ABCA4: variants seen among roughly 807,000 people sequenced by gnomAD.
ABCA4 encodes the protein ATP binding cassette subfamily A member 4.
Under a neutral mutation model 263.7 loss-of-function variants are expected in ABCA4, and 196 were observed. The observed-to-expected ratio is 0.74, with a 90% CI of 0.66 to 0.84. ABCA4 has a LOEUF of 0.84. Ranked by LOEUF, ABCA4 falls within the 40% of genes least tolerant of loss-of-function variation. ABCA4 has a pLI of 0.00. For missense variants in ABCA4, 2,792 were observed against 2,855.1 expected (o/e 0.98, Z 0.50); for synonymous variants, 1,133 against 1,094.2 (o/e 1.04, Z -0.70).
intron 7 of ABCA4, among the ~76,000 whole-genome samples, chr1:94,082,636 C>T (rs534587351): frequency 2.3e-4 from 35 of 152,216 alleles, no homozygotes; most frequent in African/African-American, 8.2e-4. Flanking sequence ...AAGTCAGCTG[C>T]GAATAATGGA....
intron 40 of ABCA4, among the ~76,000 whole-genome samples, chr1:94,010,208 AG>A (rs1399006227): frequency 6.6e-6 from 1 of 152,228 alleles, no homozygotes; most frequent in Admixed American, 6.5e-5. Context: ...TGGATTGCAG[AG>A]GGGAGTGAGG....
chr1:94,098,001 C>T (rs568366625), intron 6 of ABCA4, among the ~76,000 whole-genome samples: 2 of 152,344 alleles, frequency 1.3e-5, no homozygotes, highest in South Asian at 4.1e-4. Flanking sequence ...TCATGATCCG[C>T]CCGCCTCGGC....
chr1:94,045,451 T>C (rs1434213867), intron 19 of ABCA4, among the ~76,000 whole-genome samples: 4 of 152,136 alleles, frequency 2.6e-5, no homozygotes, highest in African/African-American at 9.7e-5. Flanking sequence ...ATATTATTAC[T>C]GTTAGTATTA....
Position 94,032,111 on chromosome 1 carries a change from T to C in ABCA4, c.3863-68A>G, listed in dbSNP as rs866894848. Reference sequence around the variant, plus strand: ...AGGTCTGGATCTCTAATGCCATTTTTTTTTTCCCTTACAGCATTGATTTTC... The same window carrying C: ...AGGTCTGGATCTCTAATGCCATTTTCTTTTTCCCTTACAGCATTGATTTTC... On this transcript the variant is annotated intron_variant, in intron 26 of 49. Transcript: ENST00000370225. 7.1e-5 allele frequency: 113 copies of C among 1,584,808 alleles called. No individual in the cohort carries two copies. The African/African-American group carries it at 1.3e-3, about 19-fold the overall frequency.
intron 5 of ABCA4, among the ~76,000 whole-genome samples, chr1:94,101,323 A>G (rs767583431): frequency 3.9e-5 from 6 of 152,328 alleles, no homozygotes; most frequent in Non-Finnish European, 8.8e-5. Context: ...ATCGGTGCCG[A>G]CAGCACCCCC....
rs139035971 is a variant in ABCA4 at position 94,048,868 on chromosome 1, C to A, written c.2743G>T (p.Asp915Tyr). ...TGTGTATTCTTTATCGGGGTTTTAC[C>A]GTGTATTCCTTCTGGGTGCTCTGGA... ...EDPEHPEGIH[D>Y]SFFEREHPGW... is the part of the protein sequence containing the mutation. The change falls in exon 18 of 50, where the codon GAC becomes TAC. Residue 915 changes from aspartate (D) to tyrosine (Y), a missense_variant and splice_region_variant. Coordinates refer to ENST00000370225, the MANE Select transcript of ABCA4 (RefSeq NM_000350.3). 1 of 1,613,982 alleles carries A rather than the reference C, an allele frequency of 6.2e-7. No homozygotes were observed. The highest frequency in any genetic ancestry group is 1.1e-5 in the South Asian group (1 of 91,068).
At chr1:94,069,307 T>C (rs912686324) in intron 11 of ABCA4, among the ~76,000 whole-genome samples, 1 of 152,178 alleles carries the variant, frequency 6.6e-6, no homozygotes, top group African/African-American at 2.4e-5. Flanking sequence ...TGATGTCCAG[T>C]AGAGGCAGAG....
At chr1:94,078,457 G>T in intron 10 of ABCA4, 133 bp downstream of exon 10, 1 of 717,332 alleles carries the variant, frequency 1.4e-6, no homozygotes. Flanking sequence ...GAAGGCCTTT[G>T]GGGCCTGCTT....
chr1:94,043,365 T>C lies in ABCA4; in HGVS notation c.3161A>G (p.Lys1054Arg). 2 of 1,614,100 alleles carry C rather than the reference T, an allele frequency of 1.2e-6. No homozygotes were observed. Among genetic ancestry groups the C allele is most frequent in the Non-Finnish European group, 1.7e-6 (2 of 1,180,020 alleles). ...TAGGTCCTGAGCCTCTTCATTCCGC[T>C]TGTGGTGGAGGCCTGTGTCCTCCAA... Reference protein sequence around the residue: ...AMLEDTGLHHKRNEEAQDLSG... With the variant: ...AMLEDTGLHHRRNEEAQDLSG... The change falls in exon 21 of 50, where the codon AAG (lysine) becomes AGG (arginine). Residue 1054 changes from lysine (K) to arginine (R), a missense_variant. Transcript: ENST00000370225.
chr1:94,049,393 A>G (rs954783574), intron 17 of ABCA4, among the ~76,000 whole-genome samples: 2 of 152,186 alleles, frequency 1.3e-5, no homozygotes, highest in African/African-American at 2.4e-5. Flanking sequence ...TGGGAGGCCA[A>G]TGTAGGCGTA....
chr1:94,000,996 T>G lies in ABCA4; in HGVS notation c.6386+6A>C. 5 of 1,614,120 alleles carry G rather than the reference T, an allele frequency of 3.1e-6. No homozygotes were observed. The highest frequency in any genetic ancestry group is 4.2e-6 in the Non-Finnish European group (5 of 1,179,980). ...CCCACCTTCCCCAGCCCTGGGAATC[T>G]CTTGCCTGTGGGATGTGAGGACCAC... On this transcript the variant is annotated splice_donor_region_variant and intron_variant, in intron 46 of 49. Transcript: ENST00000370225.
chr1:94,041,397 T>C lies in ABCA4; in HGVS notation c.3334A>G (p.Thr1112Ala). ...DLLLKYRSGR[T>A]IIMSTHHMDE... ...ATGTGGTGAGTGGACATGATGATGG[T>C]TCTGCCTGCAAGGTAGGGGCCAGGG... The change falls in exon 23 of 50, where the codon ACC (threonine) becomes GCC (alanine). Residue 1112 changes from threonine to alanine, a missense_variant. By Grantham distance (58) the Thr-to-Ala change is moderately conservative. Coordinates refer to ENST00000370225, the MANE Select transcript of ABCA4 (RefSeq NM_000350.3). 1.9e-6 allele frequency: 3 copies of C among 1,613,732 alleles called. No homozygotes were observed. The highest frequency in any genetic ancestry group is 2.5e-6 in the Non-Finnish European group (3 of 1,180,004).
At position 93,996,192 on chromosome 1, in the gene ABCA4, A is replaced by C; in HGVS notation, c.6733T>G (p.Phe2245Val). Residue 2245 changes from phenylalanine (F) to valine (V), a missense_variant, in exon 49 of 50, where the codon TTT becomes GTT. By Grantham distance (50) the Phe-to-Val change is conservative. Coordinates refer to ENST00000370225, the MANE Select transcript of ABCA4 (RefSeq NM_000350.3). ...SVTQTTLDQV[F>V]VNFAKQQTES... is the part of the protein sequence containing the mutation. ...GTCTGCTGTTTAGCAAAATTTACAA[A>C]CACCTAGAGGTAAGAGAAGAGCGAG... The C allele has an allele frequency of 6.2e-7, 1 of 1,612,344 alleles. No individual in the cohort carries two copies. The highest frequency in any genetic ancestry group is 8.5e-7 in the Non-Finnish European group (1 of 1,178,750).
Position 94,102,576 on chromosome 1 carries a change from C to T in ABCA4, c.570+439G>A, listed in dbSNP as rs116526667. Among the ~76,000 whole-genome samples, 802 of 152,220 alleles carry T rather than the reference C, an allele frequency of 5.3e-3. 3 individuals are homozygous for T. Among genetic ancestry groups the T allele is most frequent in the African/African-American group, 0.019 (772 of 41,526 alleles). On this transcript the variant is annotated intron_variant, in intron 5 of 49. Transcript: ENST00000370225. ...CCCATCACAGCCAGAAGTCACACAG[C>T]GGAGTCTCTGCTTACCTGAGCATCG... is the stretch of plus-strand genomic sequence containing the variant.
intron 11 of ABCA4, 40 bp from the exon 12 acceptor site, chr1:94,063,357 C>A (rs911146118): frequency 3.4e-5 from 53 of 1,581,614 alleles, no homozygotes; most frequent in Admixed American, 5.0e-5. Flanking sequence ...TGAGGAGGAC[C>A]AACTGCAAAG....
In ABCA4 at chr1:94,077,718, G is replaced by A; in HGVS notation, c.1526C>T (p.Thr509Ile). ...WRDIFNITDR[T>I]LRLVNQYLEC... Reference sequence around the variant, plus strand: ...CAGGTATTGATTGACCAGGCGGAGGGTGCGATCAGTGATGTTAAATATGTC... The same window carrying A: ...CAGGTATTGATTGACCAGGCGGAGGATGCGATCAGTGATGTTAAATATGTC... The change falls in exon 11 of 50, where the codon ACC (threonine) becomes ATC (isoleucine). Residue 509 changes from threonine to isoleucine, a missense_variant. Coordinates refer to ENST00000370225, the MANE Select transcript of ABCA4 (RefSeq NM_000350.3). The A allele has an allele frequency of 6.2e-7, 1 of 1,613,840 alleles. No homozygotes were observed. The highest frequency in any genetic ancestry group is 8.5e-7 in the Non-Finnish European group (1 of 1,179,794).
At chr1:94,120,898 C>CCA in intron 1 of ABCA4, 82 bp downstream of exon 1, 4 of 746,056 alleles carry the variant, frequency 5.4e-6, no homozygotes, top group Non-Finnish European at 9.1e-6. Context: ...CCCCACCACC[C>CCA]TACCCCACCA....
intron 11 of ABCA4, among the ~76,000 whole-genome samples, chr1:94,069,098 T>C (rs1461710962): frequency 6.6e-6 from 1 of 152,158 alleles, no homozygotes; most frequent in African/African-American, 2.4e-5. Flanking sequence ...GCGGAAGAGG[T>C]TTGAGCCCTC....
chr1:94,065,913 G>A (rs1661257519), intron 11 of ABCA4, among the ~76,000 whole-genome samples: 1 of 152,220 alleles, frequency 6.6e-6, no homozygotes, highest in South Asian at 2.1e-4. Flanking sequence ...AGTATGTGTA[G>A]TCACCCACCA....
Sources: gnomAD v4.1 joint callset for allele counts (sites outside exome capture counted in the v4.1 genomes callset) on GRCh38, gnomAD v4.1.1 for gene constraint, MANE v1.5 for transcripts, NCBI Gene and HGNC (gene_info 2026-07-23, HGNC 2026-07-21) for gene names.